AOPEP: variants seen among roughly 807,000 people sequenced by gnomAD.
The protein encoded by AOPEP is aminopeptidase O (putative).
AOPEP carries 77 observed loss-of-function variants against 98.1 expected under a neutral mutation model. The observed-to-expected ratio is 0.78, with a 90% CI of 0.65 to 0.95. The LOEUF (loss-of-function observed/expected upper bound fraction) is 0.95, where lower values mean the gene tolerates loss of function less well. AOPEP is among the 40% of genes least tolerant of loss of function. AOPEP has a pLI of 0.00. For synonymous variants in AOPEP, 346 were observed against 365.3 expected, an observed-to-expected ratio of 0.95 and a Z score of 0.60; for missense variants, 1,024 against 1,024.7, an observed-to-expected ratio of 1.00 and a Z score of 0.01.
At chr9:94,891,267 G>T (rs1239541286) in intron 5 of AOPEP, among the ~76,000 whole-genome samples, 1 of 152,086 alleles carries the variant, frequency 6.6e-6, no homozygotes, top group Non-Finnish European at 1.5e-5. Context: ...ATTAATATTT[G>T]CATGATATAT....
intron 5 of AOPEP, among the ~76,000 whole-genome samples, chr9:94,908,772 T>C (rs771864215): frequency 2.0e-5 from 3 of 152,208 alleles, no homozygotes; most frequent in Non-Finnish European, 2.9e-5. Flanking sequence ...CCATTTGCAA[T>C]GCACAGATAA....
intron 11 of AOPEP, among the ~76,000 whole-genome samples, chr9:94,987,440 A>T (rs1025185257): frequency 2.0e-5 from 3 of 152,246 alleles, no homozygotes; most frequent in African/African-American, 7.2e-5. Context: ...GAACAGCATC[A>T]GGCAGAGTCA....
chr9:94,778,443 C>CAAAAA (rs34475660), intron 3 of AOPEP, among the ~76,000 whole-genome samples: 2 of 138,056 alleles, frequency 1.4e-5, no homozygotes, highest in African/African-American at 5.1e-5. Context: ...ACTGATAAAT[C>CAAAAA]AAAAAAAAAA....
At chr9:94,968,514 T>C (rs950699642) in intron 10 of AOPEP, among the ~76,000 whole-genome samples, 1 of 152,156 alleles carries the variant, frequency 6.6e-6, no homozygotes, top group Non-Finnish European at 1.5e-5. Flanking sequence ...AGTGCTGGGA[T>C]TACAGGGGTG....
chr9:95,117,870 C>T, the AOPEP span, among the ~76,000 whole-genome samples: 1 of 151,946 alleles, frequency 6.6e-6, no homozygotes, highest in South Asian at 2.1e-4. Context: ...TACAGGCATG[C>T]GCCACCAAGC....
the AOPEP span, among the ~76,000 whole-genome samples, chr9:95,097,598 A>G: frequency 2.6e-5 from 4 of 152,252 alleles, no homozygotes; most frequent in Admixed American, 1.3e-4. Context: ...CATCAGCCCA[A>G]TACCTTTTTC....
At chr9:95,125,334 G>T in the AOPEP span, 1 of 705,320 alleles carries the variant, frequency 1.4e-6, no homozygotes. Flanking sequence ...GTCCTTGTGT[G>T]AAAACAGGAT....
At chr9:95,119,740 T>G in the AOPEP span, among the ~76,000 whole-genome samples, 423 of 151,220 alleles carry the variant, frequency 2.8e-3, 13 homozygotes, top group East Asian at 0.05. Flanking sequence ...GAGATATGGT[T>G]TCACTCTGTT....
intron 5 of AOPEP, among the ~76,000 whole-genome samples, chr9:94,863,351 G>A (rs2135466784): frequency 6.7e-6 from 1 of 149,394 alleles, no homozygotes; most frequent in South Asian, 2.1e-4. Context: ...CGTGGTCTCG[G>A]CTCACTGCCA....
chr9:95,110,308 C>T, the AOPEP span: 9 of 1,014,824 alleles, frequency 8.9e-6, no homozygotes, highest in Non-Finnish European at 1.1e-5. Context: ...TGGAATTGAA[C>T]ACATATCTAC....
intron 5 of AOPEP, among the ~76,000 whole-genome samples, chr9:94,911,323 C>T (rs1317092116): frequency 1.3e-5 from 2 of 152,214 alleles, no homozygotes; most frequent in East Asian, 3.8e-4. Context: ...GTGATAAAAA[C>T]AGCCATTTGC....
At chr9:94,804,514 CA>C (rs1404579828) in intron 5 of AOPEP, among the ~76,000 whole-genome samples, 1 of 152,164 alleles carries the variant, frequency 6.6e-6, no homozygotes, top group Non-Finnish European at 1.5e-5. Flanking sequence ...CCCTTCATCC[CA>C]CTGGGAAAAT....
chr9:94,889,045 T>C (rs1387487893), intron 5 of AOPEP, among the ~76,000 whole-genome samples: 1 of 152,036 alleles, frequency 6.6e-6, no homozygotes, highest in Non-Finnish European at 1.5e-5. Flanking sequence ...GTTCTCCTTT[T>C]TGCAGTGGCG....
chr9:94,792,732 G>A (rs768790265), intron 3 of AOPEP, 33 bp from the exon 4 acceptor site: 16 of 1,549,890 alleles, frequency 1.0e-5, no homozygotes, highest in African/African-American at 1.4e-5. Flanking sequence ...TCATATATTG[G>A]CCTCATTATG....
intron 5 of AOPEP, among the ~76,000 whole-genome samples, chr9:94,838,450 GTC>G (rs1166121066): frequency 6.6e-6 from 1 of 152,140 alleles, no homozygotes; most frequent in African/African-American, 2.4e-5. Flanking sequence ...ATTGATTTCT[GTC>G]TCTCTCTTCT....
At chr9:95,043,840 T>C (rs1165571961) in intron 13 of AOPEP, among the ~76,000 whole-genome samples, 4 of 152,302 alleles carry the variant, frequency 2.6e-5, no homozygotes, top group Admixed American at 1.3e-4. Context: ...AATTTTTGTA[T>C]GTTTTGTAGA....
At chr9:94,958,228 C>T (rs899390596) in intron 9 of AOPEP, among the ~76,000 whole-genome samples, 3 of 152,296 alleles carry the variant, frequency 2.0e-5, no homozygotes, top group South Asian at 2.1e-4. Context: ...GAATTTCTTC[C>T]CTTCTTAAAG....
chr9:94,910,911 C>G (rs576679560), intron 5 of AOPEP, among the ~76,000 whole-genome samples: 2 of 152,238 alleles, frequency 1.3e-5, no homozygotes, highest in South Asian at 2.1e-4. Flanking sequence ...ATGTCTGGGC[C>G]TCCTCGTGAT....
At chr9:94,813,618 GTGCTTTC>G (rs1176337638) in intron 5 of AOPEP, among the ~76,000 whole-genome samples, 11 of 152,222 alleles carry the variant, frequency 7.2e-5, no homozygotes, top group Non-Finnish European at 2.9e-5. Flanking sequence ...AGGGCAAGCT[GTGCTTTC>G]TGGTTCCCTA....
Sources: gnomAD v4.1 joint callset for allele counts (sites outside exome capture counted in the v4.1 genomes callset) on GRCh38, gnomAD v4.1.1 for gene constraint, MANE v1.5 for transcripts, NCBI Gene and HGNC (gene_info 2026-07-23, HGNC 2026-07-21) for gene names.